The following PAQR5 variants were observed in gnomAD, a reference collection of about 807,000 sequenced individuals.
PAQR5 encodes progestin and adipoQ receptor family member 5, also known as membrane progestin receptor gamma.
A neutral mutation model predicts 34.5 loss-of-function variants in PAQR5; 20 were observed. The observed-to-expected ratio is 0.58, with a 90% CI of 0.41 to 0.84. The LOEUF (loss-of-function observed/expected upper bound fraction) is 0.84. Ranked by LOEUF, PAQR5 falls within the 40% of genes least tolerant of loss-of-function variation. The probability of loss-of-function intolerance (pLI) is 0.00; values close to 1 mark genes in which losing one functional copy is unlikely to be tolerated. For synonymous variants in PAQR5, 131 were observed against 155.6 expected (o/e 0.84, Z 1.18); for missense variants, 378 against 412.7 (o/e 0.92, Z 0.73).
Position 69,403,925 on chromosome 15 carries a change from A to G in PAQR5, c.*103A>G. 8.2e-7 allele frequency: 1 copy of G among 1,224,654 alleles called. No individual in the cohort carries two copies. The highest frequency in any genetic ancestry group is 2.3e-5 in the East Asian group (1 of 42,734). The allele number at this position is 1,224,654 out of a possible 1,614,324, so 75.9% of individuals were successfully genotyped here. A position where few individuals can be genotyped will look rare whatever the true frequency, so the allele number is the denominator to read the frequency against. Reference sequence around the variant, plus strand: ...CAGCTTATCATGGCCTAAAATATTCATAATGGTTGGTGTCTTTTGAATGAA... The same window carrying G: ...CAGCTTATCATGGCCTAAAATATTCGTAATGGTTGGTGTCTTTTGAATGAA... On this transcript the variant is annotated 3_prime_UTR_variant, in exon 9 of 9. Transcript: ENST00000395407.
chr15:69,330,681 C>A (rs559774936), intron 1 of PAQR5, among the ~76,000 whole-genome samples: 1 of 152,182 alleles, frequency 6.6e-6, no homozygotes, highest in Non-Finnish European at 1.5e-5. Flanking sequence ...TACCCACCCC[C>A]CAACCACCAA....
intron 3 of PAQR5, among the ~76,000 whole-genome samples, chr15:69,364,490 A>C (rs1276904947): frequency 6.8e-6 from 1 of 147,988 alleles, no homozygotes; most frequent in Non-Finnish European, 1.5e-5. Context: ...ATATATATAC[A>C]TTATATATGT....
chr15:69,395,955 C>A (rs142993127), intron 6 of PAQR5, among the ~76,000 whole-genome samples: 43 of 151,972 alleles, frequency 2.8e-4, no homozygotes, highest in African/African-American at 1.0e-3. Context: ...CAGTGGTGTC[C>A]CTTTCTCCTG....
intron 1 of PAQR5, chr15:69,314,527 TTAGGTA>T (rs1226178373): frequency 6.6e-6 from 1 of 152,382 alleles, no homozygotes; most frequent in Non-Finnish European, 1.5e-5. Flanking sequence ...ATTTTTGCCT[TTAGGTA>T]TCTGGACCAT....
At chr15:69,339,774 C>G (rs1020628177) in intron 2 of PAQR5, among the ~76,000 whole-genome samples, 2 of 152,110 alleles carry the variant, frequency 1.3e-5, no homozygotes, top group African/African-American at 4.8e-5. Context: ...AGCCCGGCCC[C>G]TCCACAATCT....
At chr15:69,345,586 T>C (rs2054748733) in intron 2 of PAQR5, among the ~76,000 whole-genome samples, 1 of 152,196 alleles carries the variant, frequency 6.6e-6, no homozygotes, top group Non-Finnish European at 1.5e-5. Context: ...CTGAGGGTGA[T>C]TTTGCTGTTG....
At chr15:69,344,010 T>A (rs1201324475) in intron 2 of PAQR5, among the ~76,000 whole-genome samples, 3 of 152,082 alleles carry the variant, frequency 2.0e-5, no homozygotes, top group African/African-American at 4.8e-5. Flanking sequence ...ATTTTTGTAT[T>A]TTTGGTAGAG....
At chr15:69,302,565 G>A (rs1489134769) in intron 1 of PAQR5, among the ~76,000 whole-genome samples, 1 of 152,146 alleles carries the variant, frequency 6.6e-6, no homozygotes, top group Non-Finnish European at 1.5e-5. Context: ...AGTGCCCTGA[G>A]GATGCTGCCC....
intron 3 of PAQR5, among the ~76,000 whole-genome samples, chr15:69,370,855 A>G (rs1323477416): frequency 6.6e-6 from 1 of 152,218 alleles, no homozygotes; most frequent in African/African-American, 2.4e-5. Flanking sequence ...AGAAAAAGTG[A>G]AACTCTGATT....
chr15:69,342,267 T>TTTA (rs144248170), intron 2 of PAQR5, among the ~76,000 whole-genome samples: 153 of 149,302 alleles, frequency 1.0e-3, no homozygotes, highest in Middle Eastern at 3.5e-3. Flanking sequence ...TGTTTGTTCT[T>TTTA]TTATTATTAT....
chr15:69,393,110 G>T (rs557256764), intron 6 of PAQR5, among the ~76,000 whole-genome samples: 3 of 152,134 alleles, frequency 2.0e-5, no homozygotes, highest in East Asian at 3.9e-4. Flanking sequence ...GGAGGTGAGG[G>T]GCTATGTTGG....
intron 6 of PAQR5, among the ~76,000 whole-genome samples, chr15:69,390,596 T>C (rs2056240031): frequency 6.6e-6 from 1 of 152,090 alleles, no homozygotes; most frequent in Non-Finnish European, 1.5e-5. Flanking sequence ...TGCTCATCTA[T>C]AAAATGAGGC....
intron 1 of PAQR5, among the ~76,000 whole-genome samples, chr15:69,322,667 A>G (rs2054125709): frequency 7.5e-6 from 1 of 133,662 alleles, no homozygotes; most frequent in Non-Finnish European, 1.5e-5. Flanking sequence ...AAAAAAAAAA[A>G]AAAAAAGAAG....
intron 1 of PAQR5, among the ~76,000 whole-genome samples, chr15:69,326,827 AC>A (rs201194281): frequency 2.9e-5 from 1 of 34,312 alleles, no homozygotes; most frequent in Non-Finnish European, 1.0e-4. Flanking sequence ...CTCCCTCCCC[AC>A]CCCCGTTATT....
At chr15:69,396,688 C>T (rs1231718868) in intron 6 of PAQR5, among the ~76,000 whole-genome samples, 3 of 152,168 alleles carry the variant, frequency 2.0e-5, no homozygotes, top group Non-Finnish European at 4.4e-5. Context: ...CTGCCCCTCC[C>T]CATGTCCTCC....
chr15:69,323,475 G>A (rs1163174817), intron 1 of PAQR5, among the ~76,000 whole-genome samples: 2 of 152,202 alleles, frequency 1.3e-5, no homozygotes, highest in Non-Finnish European at 2.9e-5. Flanking sequence ...TGGGCCAGAG[G>A]CAGGATGGGG....
intron 1 of PAQR5, among the ~76,000 whole-genome samples, chr15:69,316,543 C>A (rs151216708): frequency 6.7e-6 from 1 of 149,080 alleles, no homozygotes; most frequent in African/African-American, 2.5e-5. Flanking sequence ...ATTGGGTTAG[C>A]GGGAAAAATA....
At chr15:69,335,057 T>A (rs915997477) in intron 1 of PAQR5, among the ~76,000 whole-genome samples, 47 of 151,738 alleles carry the variant, frequency 3.1e-4, no homozygotes, top group African/African-American at 1.1e-3. Flanking sequence ...ACCCCAACTC[T>A]ACTGAAAAAA....
chr15:69,349,802 C>T (rs936141128), intron 2 of PAQR5, among the ~76,000 whole-genome samples: 11 of 151,880 alleles, frequency 7.2e-5, no homozygotes, highest in South Asian at 2.1e-4. Flanking sequence ...CCACCACACC[C>T]GGCTAATTTT....
Sources: allele counts gnomAD v4.1 joint callset (sites outside exome capture counted in the v4.1 genomes callset), GRCh38; gene constraint gnomAD v4.1.1; transcripts MANE v1.5; gene names NCBI Gene and HGNC (gene_info 2026-07-23, HGNC 2026-07-21).